Variants in DIAPH2 observed in about 807,000 individuals in gnomAD.
The protein encoded by DIAPH2 is diaphanous related formin 2, also known as protein diaphanous homolog 2.
Under a neutral mutation model 92.7 loss-of-function variants are expected in DIAPH2, and 35 were observed. The observed-to-expected ratio is 0.38, with a 90% CI of 0.29 to 0.50. The LOEUF is 0.50. DIAPH2 is among the 20% of genes least tolerant of loss of function. The probability of loss-of-function intolerance (pLI) is 0.94; values close to 1 mark genes in which losing one functional copy is unlikely to be tolerated. For synonymous variants in DIAPH2, 301 were observed against 280.4 expected (o/e 1.07, Z -0.73); for missense variants, 701 against 819.5 (o/e 0.86, Z 1.77).
At chrX:97,493,549 C>T (rs1461935393) in intron 26 of DIAPH2, among the ~76,000 whole-genome samples, 1 of 111,285 alleles carries the variant, frequency 9.0e-6, no homozygotes, top group Non-Finnish European at 1.9e-5. Flanking sequence ...GCGTGAGCCA[C>T]CGCACCCGGC....
chrX:97,509,012 G>GTTAGTTAGTTAT (rs759416500), intron 26 of DIAPH2, among the ~76,000 whole-genome samples: 1 of 90,425 alleles, frequency 1.1e-5, no homozygotes, highest in East Asian at 3.6e-4. Context: ...AGCATACAAA[G>GTTAGTTAGTTAT]TTATTTATTT....
chrX:97,199,217 A>C (rs753645995), intron 22 of DIAPH2, among the ~76,000 whole-genome samples: 1 of 68,870 alleles, frequency 1.5e-5, no homozygotes, highest in Non-Finnish European at 2.7e-5. Context: ...GATTATATTA[A>C]CATATGTATA....
chrX:97,372,769 G>A (rs1308426003), intron 24 of DIAPH2, among the ~76,000 whole-genome samples: 2 of 111,046 alleles, frequency 1.8e-5, no homozygotes, highest in African/African-American at 6.6e-5. Flanking sequence ...TGGGGAGTTC[G>A]AGACCAGTCT....
chrX:97,309,344 G>A (rs1159305247), intron 23 of DIAPH2, among the ~76,000 whole-genome samples: 5 of 110,149 alleles, frequency 4.5e-5, no homozygotes, highest in South Asian at 8.0e-4. Flanking sequence ...CAGGTGATCC[G>A]CCCACCTCAG....
chrX:96,831,529 A>C (rs1266415006), intron 4 of DIAPH2, among the ~76,000 whole-genome samples: 1 of 112,263 alleles, frequency 8.9e-6, no homozygotes, highest in Non-Finnish European at 1.9e-5. Context: ...AATAGAACCT[A>C]CCTCACAAAT....
At chrX:97,337,844 T>A (rs961443040) in intron 23 of DIAPH2, among the ~76,000 whole-genome samples, 3 of 109,303 alleles carry the variant, frequency 2.7e-5, no homozygotes, top group Non-Finnish European at 5.7e-5. Flanking sequence ...GTGGCAGTAA[T>A]GATAGCCATG....
intron 26 of DIAPH2, among the ~76,000 whole-genome samples, chrX:97,549,695 G>GA (rs1157427386): frequency 1.8e-5 from 2 of 110,620 alleles, no homozygotes; most frequent in Admixed American, 9.7e-5. Context: ...TATAGTAAGA[G>GA]AAAAAAAATC....
intron 19 of DIAPH2, among the ~76,000 whole-genome samples, chrX:97,088,249 G>T (rs1399109037): frequency 9.0e-6 from 1 of 111,195 alleles, no homozygotes; most frequent in South Asian, 3.8e-4. Flanking sequence ...CCATCCTTTA[G>T]GTGTCTTTTT....
At chrX:97,029,662 A>AT (rs1478917220) in intron 17 of DIAPH2, among the ~76,000 whole-genome samples, 30 of 109,712 alleles carry the variant, frequency 2.7e-4, no homozygotes, top group African/African-American at 8.6e-4. Context: ...ACCTAACTTC[A>AT]TTTTTTTTCC....
chrX:97,547,695 G>A lies in DIAPH2; in HGVS notation c.3242-51558G>A, dbSNP rs539685815. Among the ~76,000 whole-genome samples the A allele has an allele frequency of 4.5e-5, 5 of 111,232 alleles. No homozygotes were observed. The South Asian group carries it at 1.1e-3, about 25-fold the overall frequency. ...ATGGCATTCCAACCTTTTCTCCCTC[G>A]TGACGAACACTTTTTTGTATCAATG... On this transcript the variant is annotated intron_variant, in intron 26 of 26. Coordinates refer to ENST00000324765, the MANE Select transcript of DIAPH2 (RefSeq NM_006729.5).
rs182725416 is a variant in DIAPH2 at position 97,555,996 on chromosome X, A to G, written c.3242-43257A>G. Among the ~76,000 whole-genome samples, 4 of 112,095 alleles carry G rather than the reference A, an allele frequency of 3.6e-5. No individual in the cohort carries two copies. The East Asian group carries it at 1.1e-3, about 32-fold the overall frequency. On this transcript the variant is annotated intron_variant, in intron 26 of 26. Coordinates refer to ENST00000324765, the MANE Select transcript of DIAPH2 (RefSeq NM_006729.5). Reference sequence around the variant, plus strand: ...CATTAGATGGCCCATTTTAGGGCACAACACTTCAGCCAAAACTTTGGTAGA... The same window carrying G: ...CATTAGATGGCCCATTTTAGGGCACGACACTTCAGCCAAAACTTTGGTAGA...
intron 7 of DIAPH2, among the ~76,000 whole-genome samples, chrX:96,915,868 C>A (rs901595329): frequency 6.3e-5 from 7 of 110,954 alleles, no homozygotes; most frequent in African/African-American, 2.3e-4. Flanking sequence ...TTAATAAAAC[C>A]CAGGTGCCAT....
chrX:97,329,836 C>T (rs1174374330), intron 23 of DIAPH2, among the ~76,000 whole-genome samples: 1 of 107,487 alleles, frequency 9.3e-6, no homozygotes, highest in African/African-American at 3.4e-5. Context: ...ATGTGGATCT[C>T]ATAGTCTATC....
chrX:97,273,473 TA>T (rs1277270182), intron 23 of DIAPH2, among the ~76,000 whole-genome samples: 5 of 111,922 alleles, frequency 4.5e-5, no homozygotes, highest in Non-Finnish European at 7.5e-5. Flanking sequence ...TGTCTCTTTT[TA>T]TAAGTTCAGA....
At chrX:97,252,032 C>G (rs1007639345) in intron 23 of DIAPH2, among the ~76,000 whole-genome samples, 1 of 111,750 alleles carries the variant, frequency 8.9e-6, no homozygotes, top group Non-Finnish European at 1.9e-5. Flanking sequence ...CTTCTTCTGT[C>G]AGAAAAGAAA....
chrX:97,027,855 C>T (rs2066345887), intron 17 of DIAPH2, among the ~76,000 whole-genome samples: 1 of 112,309 alleles, frequency 8.9e-6, no homozygotes. Context: ...CGCTTGTAAA[C>T]ATTGAGTCTC....
chrX:97,011,891 CAAAAAAAAAAAAA>C (rs1169242843), intron 17 of DIAPH2, among the ~76,000 whole-genome samples: 1 of 32,203 alleles, frequency 3.1e-5, no homozygotes, highest in African/African-American at 1.6e-4. Context: ...GACACTGTCT[CAAAAAAAAAAAAA>C]AAAAAAAAAA....
At chrX:96,725,652 A>C (rs2064016002) in intron 1 of DIAPH2, among the ~76,000 whole-genome samples, 1 of 112,091 alleles carries the variant, frequency 8.9e-6, no homozygotes, top group South Asian at 3.7e-4. Flanking sequence ...AACAACTGCT[A>C]TACAAGTGAA....
At chrX:97,559,016 A>G (rs2071275414) in intron 26 of DIAPH2, among the ~76,000 whole-genome samples, 1 of 112,069 alleles carries the variant, frequency 8.9e-6, no homozygotes. Context: ...TCAGCTACAC[A>G]TTTTCAGCTT....
Sources: allele counts gnomAD v4.1 joint callset (sites outside exome capture counted in the v4.1 genomes callset), GRCh38; gene constraint gnomAD v4.1.1; transcripts MANE v1.5; gene names NCBI Gene and HGNC (gene_info 2026-07-23, HGNC 2026-07-21).